Variants in PLEKHM3 observed in about 807,000 individuals in gnomAD.
PLEKHM3 encodes the protein pleckstrin homology domain-containing family M member 3.
Under a neutral mutation model 81.8 loss-of-function variants are expected in PLEKHM3, and 45 were observed. The ratio of observed to expected loss-of-function variants is 0.55; its 90% CI spans 0.43 to 0.71. The LOEUF (loss-of-function observed/expected upper bound fraction) is 0.71. Among genes scored for constraint, PLEKHM3 ranks in the 30% least tolerant of loss-of-function variants. PLEKHM3 has a pLI of 0.00. For missense variants in PLEKHM3, 788 were observed against 924.3 expected (o/e 0.85, Z 1.91); for synonymous variants, 352 against 356.4 (o/e 0.99, Z 0.14).
intron 6 of PLEKHM3, among the ~76,000 whole-genome samples, chr2:207,885,244 C>T (rs1472683076): frequency 6.6e-6 from 1 of 152,154 alleles, no homozygotes; most frequent in Non-Finnish European, 1.5e-5. Context: ...GGTTTATTGG[C>T]GTATGTTGGC....
At chr2:207,929,772 C>T in intron 5 of PLEKHM3, 1 of 531,968 alleles carries the variant, frequency 1.9e-6, no homozygotes, top group East Asian at 3.0e-5. Context: ...ATTATATATC[C>T]TTTACTATCT....
intron 1 of PLEKHM3, among the ~76,000 whole-genome samples, chr2:208,002,908 G>GA (rs78655253): frequency 0.01 from 1,403 of 135,786 alleles, 8 homozygotes; most frequent in Non-Finnish European, 0.014. Context: ...CTTTTACCAG[G>GA]AAAAAAAAAA....
intron 1 of PLEKHM3, among the ~76,000 whole-genome samples, chr2:208,019,315 C>T (rs1449318923): frequency 6.6e-6 from 1 of 152,026 alleles, no homozygotes. Context: ...GAAAACAAAA[C>T]CAAACCTGGA....
chr2:207,931,136 G>T lies in PLEKHM3; in HGVS notation c.1693-17C>A, dbSNP rs201321525. ...CTTCGACACCTACAAAACAAGCGTCGTCAGTCAGTCCTGGAGAAGCACCTG... is the reference window on the plus strand; with the variant it reads ...CTTCGACACCTACAAAACAAGCGTCTTCAGTCAGTCCTGGAGAAGCACCTG... On this transcript the variant is annotated splice_polypyrimidine_tract_variant and intron_variant, in intron 4 of 7. Transcript: ENST00000427836. 2 of 1,594,244 alleles carry T rather than the reference G, an allele frequency of 1.3e-6. No individual in the cohort carries two copies. The highest frequency in any genetic ancestry group is 2.2e-5 in the South Asian group (2 of 89,234).
intron 3 of PLEKHM3, among the ~76,000 whole-genome samples, chr2:207,948,785 C>T (rs1435306578): frequency 8.5e-5 from 13 of 152,114 alleles, no homozygotes; most frequent in African/African-American, 1.7e-4. Flanking sequence ...CCTCGTGATC[C>T]GCCCGCCTCG....
chr2:207,923,855 G>GCACACACACACACA (rs1157865708), intron 5 of PLEKHM3, among the ~76,000 whole-genome samples: 15 of 18,900 alleles, frequency 7.9e-4, no homozygotes, highest in African/African-American at 2.1e-3. Flanking sequence ...ACACACGCAC[G>GCACACACACACACA]CACACACACA....
chr2:207,997,343 G>T (rs1197314754), intron 2 of PLEKHM3, among the ~76,000 whole-genome samples: 1 of 152,174 alleles, frequency 6.6e-6, no homozygotes, highest in East Asian at 1.9e-4. Context: ...GGCCCTACCT[G>T]ATGAAGAAGA....
At chr2:207,991,566 G>C (rs1182159256) in intron 2 of PLEKHM3, among the ~76,000 whole-genome samples, 1 of 150,614 alleles carries the variant, frequency 6.6e-6, no homozygotes, top group Non-Finnish European at 1.5e-5. Flanking sequence ...ATGTGACCCA[G>C]TTCTGGCCAA....
chr2:207,977,323 ACT>A lies in PLEKHM3; in HGVS notation c.872_873del (p.Glu291ValfsTer29). On this transcript the variant is annotated frameshift_variant, in exon 3 of 8. Transcript: ENST00000427836. LOFTEE classifies it high-confidence loss of function. ...YDNTQLQLKA[E>X]SPWEALDWGQ... ...CCCCAGTCCAAAGCCTCCCATGGTG[ACT>A]CTGCCTTTAGCTGTAGCTGAGTGTT... The A allele has an allele frequency of 1.9e-6, 3 of 1,614,032 alleles. No homozygotes were observed. Among genetic ancestry groups the A allele is most frequent in the Non-Finnish European group, 2.5e-6 (3 of 1,180,002 alleles).
At position 207,953,454 on chromosome 2, in the gene PLEKHM3, T is replaced by C. The variant is rs115722346; in HGVS notation, c.1547-6942A>G. On this transcript the variant is annotated intron_variant, in intron 3 of 7. Coordinates refer to ENST00000427836, the MANE Select transcript of PLEKHM3 (RefSeq NM_001080475.3). The stretch of plus-strand genomic sequence containing the variant: ...CAAATTTTATAGCAGTGAGAGATTA[T>C]ATATGAGAAATTGTCATTCCTTGTT... Among the ~76,000 whole-genome samples the C allele has an allele frequency of 6.9e-3, 1,053 of 152,282 alleles. 10 individuals are homozygous for C. Among genetic ancestry groups the C allele is most frequent in the African/African-American group, 0.024 (993 of 41,534 alleles).
At chr2:207,878,955 T>A (rs1177772950) in intron 6 of PLEKHM3, among the ~76,000 whole-genome samples, 1 of 152,156 alleles carries the variant, frequency 6.6e-6, no homozygotes, top group East Asian at 1.9e-4. Context: ...GACAGCCTCT[T>A]TTTCCTCACT....
chr2:207,875,937 G>A lies in PLEKHM3; in HGVS notation c.1951-14675C>T, dbSNP rs562058604. ...CTGTTATGCAGCCAGTAAAAAGAAT[G>A]AGGTAAATCTTCATGTGTACTAAAT... On this transcript the variant is annotated intron_variant, in intron 6 of 7. Transcript: ENST00000427836. 4.6e-5 allele frequency among the ~76,000 whole-genome samples: 7 copies of A among 152,336 alleles called. No homozygotes were observed. The East Asian group carries it at 1.3e-3, about 29-fold the overall frequency.
chr2:207,943,776 G>A (rs1301794808), intron 4 of PLEKHM3, among the ~76,000 whole-genome samples: 1 of 148,750 alleles, frequency 6.7e-6, no homozygotes, highest in Non-Finnish European at 1.5e-5. Flanking sequence ...GCTGAGGCAG[G>A]AGAATGGCGT....
At chr2:207,929,849 C>T (rs1268296365) in intron 5 of PLEKHM3, 5 of 669,920 alleles carry the variant, frequency 7.5e-6, no homozygotes, top group Non-Finnish European at 1.1e-5. Flanking sequence ...GATCTCAAAA[C>T]TCCATCACTT....
intron 2 of PLEKHM3, among the ~76,000 whole-genome samples, chr2:207,994,435 G>C (rs1220651445): frequency 6.6e-6 from 1 of 152,126 alleles, no homozygotes; most frequent in African/African-American, 2.4e-5. Context: ...AGTACAGACA[G>C]TAGTGAAGAG....
chr2:207,947,418 C>T (rs1405756316), intron 3 of PLEKHM3, among the ~76,000 whole-genome samples: 1 of 152,228 alleles, frequency 6.6e-6, no homozygotes, highest in African/African-American at 2.4e-5. Context: ...CATAGCCCTT[C>T]CATAGGGAAG....
intron 7 of PLEKHM3, among the ~76,000 whole-genome samples, chr2:207,850,988 A>C (rs995510086): frequency 6.6e-6 from 1 of 152,002 alleles, no homozygotes; most frequent in Admixed American, 6.5e-5. Context: ...CCCCATCTCT[A>C]CTAAAAATAC....
At chr2:207,831,638 C>T (rs935650589) in intron 7 of PLEKHM3, among the ~76,000 whole-genome samples, 8 of 152,244 alleles carry the variant, frequency 5.3e-5, no homozygotes, top group Non-Finnish European at 7.3e-5. Context: ...AAGGCTGCGA[C>T]GCCGCCCCTC....
At chr2:207,842,080 G>A (rs2092357553) in intron 7 of PLEKHM3, among the ~76,000 whole-genome samples, 1 of 152,160 alleles carries the variant, frequency 6.6e-6, no homozygotes, top group African/African-American at 2.4e-5. Flanking sequence ...TGGGACTATA[G>A]GCGCACGCCA....
Sources: gnomAD v4.1 joint callset for allele counts (sites outside exome capture counted in the v4.1 genomes callset) on GRCh38, gnomAD v4.1.1 for gene constraint, MANE v1.5 for transcripts, NCBI Gene and HGNC (gene_info 2026-07-23, HGNC 2026-07-21) for gene names.